TCERG1L: variants seen among roughly 807,000 people sequenced by gnomAD.
TCERG1L encodes the protein transcription elongation regulator 1 like, also known as transcription elongation regulator 1-like protein.
Under a neutral mutation model 56.3 loss-of-function variants are expected in TCERG1L, and 37 were observed. The observed-to-expected ratio is 0.66, with a 90% CI of 0.51 to 0.87. TCERG1L has a LOEUF of 0.87. TCERG1L is among the 40% of genes least tolerant of loss of function. The pLI is 0.00. For missense variants in TCERG1L, 799 were observed against 774.2 expected (o/e 1.03, Z -0.38); for synonymous variants, 324 against 326.3 (o/e 0.99, Z 0.08).
At chr10:131,213,133 T>C (rs796943434) in intron 4 of TCERG1L, among the ~76,000 whole-genome samples, 1 of 152,250 alleles carries the variant, frequency 6.6e-6, no homozygotes, top group South Asian at 2.1e-4. Context: ...GGCTGAGGAC[T>C]GGCTGCAGCC....
At chr10:131,127,736 C>T (rs1845578051) in intron 8 of TCERG1L, among the ~76,000 whole-genome samples, 2 of 152,108 alleles carry the variant, frequency 1.3e-5, no homozygotes. Flanking sequence ...GAGACAGGTC[C>T]CCCAAAGACA....
chr10:131,219,050 G>A (rs1291122111), intron 4 of TCERG1L, among the ~76,000 whole-genome samples: 1 of 152,162 alleles, frequency 6.6e-6, no homozygotes, highest in Non-Finnish European at 1.5e-5. Flanking sequence ...CTGTCCAGTG[G>A]TCATGGCTGG....
chr10:131,234,620 C>G (rs967378398), intron 4 of TCERG1L, among the ~76,000 whole-genome samples: 1 of 152,166 alleles, frequency 6.6e-6, no homozygotes, highest in African/African-American at 2.4e-5. Context: ...AAAAAATAAC[C>G]AGCACCTTGG....
chr10:131,159,350 G>T (rs1055417204), intron 6 of TCERG1L, among the ~76,000 whole-genome samples: 15 of 152,194 alleles, frequency 9.9e-5, no homozygotes, highest in Admixed American at 6.5e-5. Context: ...GGCAGAAGCT[G>T]TTGTTGAGGC....
chr10:131,125,748 C>T lies in TCERG1L; in HGVS notation c.1259+8631G>A, dbSNP rs542638843. On this transcript the variant is annotated intron_variant, in intron 8 of 11. Transcript: ENST00000368642. ...CAGGATTCACAGCCAATGATGGCATCGAGATGGATGCCTCCCCAGGATGGA... is the reference window on the plus strand; with the variant it reads ...CAGGATTCACAGCCAATGATGGCATTGAGATGGATGCCTCCCCAGGATGGA... 5.3e-5 allele frequency among the ~76,000 whole-genome samples: 8 copies of T among 152,308 alleles called. No homozygotes were observed. The South Asian group carries it at 1.0e-3, about 20-fold the overall frequency.
chr10:131,218,101 C>G (rs1010896332), intron 4 of TCERG1L, among the ~76,000 whole-genome samples: 3 of 152,170 alleles, frequency 2.0e-5, no homozygotes, highest in Non-Finnish European at 4.4e-5. Flanking sequence ...GTGGCCCCAG[C>G]TGCCTGGTTG....
At chr10:131,299,497 T>C (rs1208504716) in intron 3 of TCERG1L, among the ~76,000 whole-genome samples, 1 of 149,116 alleles carries the variant, frequency 6.7e-6, no homozygotes, top group Non-Finnish European at 1.5e-5. Context: ...CTTTTGAAGA[T>C]ATATCTTTCG....
chr10:131,166,976 A>T (rs2133436143), intron 4 of TCERG1L, 91 bp from the exon 5 acceptor site: 1 of 1,157,794 alleles, frequency 8.6e-7, no homozygotes, highest in Admixed American at 2.2e-5. Context: ...GGCCCTGAAG[A>T]TTAGAATTGG....
At chr10:131,169,759 T>C (rs4751337) in intron 4 of TCERG1L, among the ~76,000 whole-genome samples, 71,472 of 152,050 alleles carry the variant, frequency 0.47, 20,136 homozygotes, top group South Asian at 0.72. Context: ...TGCACGTCTG[T>C]ATCTTCTACG....
chr10:131,108,643 G>A (rs1412784551), intron 9 of TCERG1L, among the ~76,000 whole-genome samples: 3 of 152,184 alleles, frequency 2.0e-5, no homozygotes, highest in African/African-American at 7.2e-5. Context: ...AAACTCAGCG[G>A]GTCACAAGCA....
intron 3 of TCERG1L, among the ~76,000 whole-genome samples, chr10:131,285,756 C>T (rs1010271814): frequency 2.0e-5 from 3 of 151,844 alleles, no homozygotes; most frequent in Non-Finnish European, 4.4e-5. Flanking sequence ...AAATATCATA[C>T]ACCACAGTAA....
chr10:131,279,518 C>T (rs1001314319), intron 3 of TCERG1L, among the ~76,000 whole-genome samples: 3 of 152,172 alleles, frequency 2.0e-5, no homozygotes, highest in African/African-American at 7.2e-5. Context: ...TCATCAAGAG[C>T]CAAGTGACAG....
chr10:131,168,242 G>T (rs1846052433), intron 4 of TCERG1L, among the ~76,000 whole-genome samples: 1 of 152,216 alleles, frequency 6.6e-6, no homozygotes, highest in Non-Finnish European at 1.5e-5. Context: ...GTGCTTGAAG[G>T]GGGTGAAAGG....
chr10:131,111,238 GTGTC>G (rs1039395839), intron 9 of TCERG1L, among the ~76,000 whole-genome samples: 1 of 142,580 alleles, frequency 7.0e-6, no homozygotes, highest in African/African-American at 2.5e-5. Flanking sequence ...GCAGAAACGT[GTGTC>G]TGTCTGTCTG....
At chr10:131,168,015 G>A (rs965151942) in intron 4 of TCERG1L, among the ~76,000 whole-genome samples, 44 of 152,206 alleles carry the variant, frequency 2.9e-4, no homozygotes, top group African/African-American at 1.1e-3. Context: ...GGTGTGCAGG[G>A]CAGGACCCTT....
At chr10:131,285,541 AG>A (rs1564833993) in intron 3 of TCERG1L, among the ~76,000 whole-genome samples, 3 of 129,440 alleles carry the variant, frequency 2.3e-5, no homozygotes, top group Non-Finnish European at 4.9e-5. Flanking sequence ...AGAAAAGAAA[AG>A]AAAGAAAGGA....
chr10:131,309,099 C>T, intron 2 of TCERG1L, 54 bp downstream of exon 2: 2 of 1,567,142 alleles, frequency 1.3e-6, no homozygotes, highest in African/African-American at 1.4e-5. Flanking sequence ...TGTCGATGTT[C>T]GACAACTTAA....
intron 4 of TCERG1L, among the ~76,000 whole-genome samples, chr10:131,217,205 G>C (rs1230420876): frequency 6.6e-6 from 1 of 152,110 alleles, no homozygotes; most frequent in Non-Finnish European, 1.5e-5. Context: ...TCTCGTGACA[G>C]TGAGTGAGTT....
Position 131,307,733 on chromosome 10 carries a change from T to A in TCERG1L, c.670+478A>T, listed in dbSNP as rs1182431239. ...GACTCCAAAGATAGAACAAAATCCA[T>A]CTTTCAAAGAGGGCATTTTATAGTC... On this transcript the variant is annotated intron_variant, in intron 3 of 11. Coordinates refer to ENST00000368642, the MANE Select transcript of TCERG1L (RefSeq NM_174937.4). 5.9e-5 allele frequency among the ~76,000 whole-genome samples: 9 copies of A among 152,306 alleles called. No individual in the cohort carries two copies. The East Asian group carries it at 1.2e-3, about 20-fold the overall frequency.
Sources: allele counts gnomAD v4.1 joint callset (sites outside exome capture counted in the v4.1 genomes callset), GRCh38; gene constraint gnomAD v4.1.1; transcripts MANE v1.5; gene names NCBI Gene and HGNC (gene_info 2026-07-23, HGNC 2026-07-21).